The following ASB4 variants were observed in gnomAD, a reference collection of about 807,000 sequenced individuals.
ASB4 encodes ankyrin repeat and SOCS box protein 4.
In ASB4, 35 loss-of-function variants were observed where a neutral mutation model predicts 38.6. The ratio of observed to expected loss-of-function variants is 0.91; its 90% CI spans 0.69 to 1.20. The LOEUF (loss-of-function observed/expected upper bound fraction) is 1.20, where lower values mean the gene tolerates loss of function less well. Ranked by LOEUF, ASB4 falls within the 50% of genes most tolerant of loss-of-function variation. The pLI is 0.00. For missense variants in ASB4, 557 were observed against 527.2 expected (o/e 1.06, Z -0.55); for synonymous variants, 195 against 201.3 (o/e 0.97, Z 0.26).
intron 1 of ASB4, among the ~76,000 whole-genome samples, chr7:95,487,984 C>A (rs142827039): frequency 6.6e-6 from 1 of 152,176 alleles, no homozygotes; most frequent in South Asian, 2.1e-4. Flanking sequence ...CTGTTTAATA[C>A]GCACATGGGC....
chr7:95,541,557 C>A (rs1169574696), downstream of ASB4, among the ~76,000 whole-genome samples: 1 of 152,144 alleles, frequency 6.6e-6, no homozygotes, highest in African/African-American at 2.4e-5. Context: ...AGGTCCCTGA[C>A]CTTCCTGGGC....
intron 2 of ASB4, among the ~76,000 whole-genome samples, chr7:95,499,056 T>C (rs1325966283): frequency 6.6e-6 from 1 of 152,244 alleles, no homozygotes; most frequent in Non-Finnish European, 1.5e-5. Context: ...CACAGGTTTG[T>C]ATCAAGTCTT....
the ASB4 span, among the ~76,000 whole-genome samples, chr7:95,548,044 G>T: frequency 1.3e-5 from 2 of 152,270 alleles, no homozygotes; most frequent in South Asian, 4.1e-4. Flanking sequence ...AAACACTCTT[G>T]TTCAAATCTT....
At chr7:95,511,618 C>T (rs1482814292) in intron 2 of ASB4, among the ~76,000 whole-genome samples, 3 of 151,288 alleles carry the variant, frequency 2.0e-5, no homozygotes, top group Admixed American at 1.3e-4. Flanking sequence ...GCCGAGATTG[C>T]GCCATTGCAC....
intron 1 of ASB4, among the ~76,000 whole-genome samples, chr7:95,491,023 A>C (rs1790163697): frequency 6.6e-6 from 1 of 152,244 alleles, no homozygotes; most frequent in Non-Finnish European, 1.5e-5. Flanking sequence ...TTATATGAAC[A>C]TGGACACTTT....
At chr7:95,533,523 A>C (rs937055454) in intron 3 of ASB4, among the ~76,000 whole-genome samples, 1 of 152,028 alleles carries the variant, frequency 6.6e-6, no homozygotes, top group Non-Finnish European at 1.5e-5. Context: ...TTCTAATTCA[A>C]TCTGCTGGTA....
chr7:95,545,965 A>G, the ASB4 span, among the ~76,000 whole-genome samples: 9 of 152,232 alleles, frequency 5.9e-5, no homozygotes, highest in African/African-American at 1.7e-4. Context: ...CTGGAAAATC[A>G]TAAAAGAATT....
chr7:95,493,777 T>G (rs943564168), intron 1 of ASB4, among the ~76,000 whole-genome samples: 2 of 152,186 alleles, frequency 1.3e-5, no homozygotes, highest in Non-Finnish European at 2.9e-5. Flanking sequence ...ATAGCATAGT[T>G]TGTATACTGT....
chr7:95,479,210 T>C (rs1344730242), intron 1 of ASB4, among the ~76,000 whole-genome samples: 1 of 152,220 alleles, frequency 6.6e-6, no homozygotes, highest in Non-Finnish European at 1.5e-5. Flanking sequence ...CCACCAGAGC[T>C]GGGAATACGA....
chr7:95,534,024 G>A lies in ASB4; in HGVS notation c.979-2413G>A, dbSNP rs562087167. 7.2e-5 allele frequency among the ~76,000 whole-genome samples: 11 copies of A among 152,240 alleles called. No homozygotes were observed. In the South Asian group the frequency reaches 2.3e-3, roughly 32 times the overall value. On this transcript the variant is annotated intron_variant, in intron 3 of 4. Transcript: ENST00000325885. ...AATAACTCCATCTTAGCTTTCTAATGGGGAGCATCTATTGTGTACATTTTT... is the reference window on the plus strand; with the variant it reads ...AATAACTCCATCTTAGCTTTCTAATAGGGAGCATCTATTGTGTACATTTTT...
upstream of ASB4, among the ~76,000 whole-genome samples, chr7:95,483,397 G>A (rs1463278270): frequency 6.6e-6 from 1 of 152,140 alleles, no homozygotes; most frequent in African/African-American, 2.4e-5. Context: ...AGCTCTCTTA[G>A]AGGGAAAGCC....
In ASB4 at chr7:95,528,584, C is replaced by T; in HGVS notation, c.978+281C>T. Reference sequence around the variant, plus strand: ...AGTGCACTGGTGGCTTCCTGAGGGACTGAGGTAAGTCTGCCAGAAAGGTGA... The same window carrying T: ...AGTGCACTGGTGGCTTCCTGAGGGATTGAGGTAAGTCTGCCAGAAAGGTGA... On this transcript the variant is annotated intron_variant, in intron 3 of 4. Transcript: ENST00000325885. 1.4e-6 allele frequency: 2 copies of T among 1,388,108 alleles called. 1 individual carries two copies. The highest frequency in any genetic ancestry group is 3.6e-5 in the South Asian group (2 of 55,706). 86.0% of individuals were successfully genotyped at this position (1,388,108 alleles called of 1,614,324 possible).
chr7:95,515,248 TTTC>T (rs1790553909), intron 2 of ASB4, among the ~76,000 whole-genome samples: 4 of 126,100 alleles, frequency 3.2e-5, no homozygotes, highest in Non-Finnish European at 5.2e-5. Flanking sequence ...TCTTTCTTTC[TTTC>T]CTTCTTTCTT....
At chr7:95,544,445 G>A (rs1791008236), downstream of ASB4, 1 of 152,120 alleles carries the variant, frequency 6.6e-6, no homozygotes, top group Admixed American at 6.5e-5. Flanking sequence ...AGCAACATCT[G>A]GTTAATTCTA....
In ASB4 at chr7:95,495,955, C is replaced by G. The variant is rs780991883; in HGVS notation, c.385C>G (p.Arg129Gly). Residue 129 changes from arginine (R) to glycine (G), a missense_variant, in exon 2 of 5, where the codon CGT becomes GGT. By Grantham distance (125) the Arg-to-Gly change is moderately radical. Coordinates refer to ENST00000325885, the MANE Select transcript of ASB4 (RefSeq NM_016116.3). ...GGATTGTGTTAAGATCCTCTGTGAT[C>G]GTGGGGCAAAGCTCAATTGCTACTC... The part of the protein sequence containing the change: ...NVDCVKILCD[R>G]GAKLNCYSLS... 4 of 1,613,942 alleles carry G rather than the reference C, an allele frequency of 2.5e-6. No individual in the cohort carries two copies. In the African/African-American group the frequency reaches 5.3e-5, roughly 22 times the overall value.
chr7:95,522,818 C>T lies in ASB4; in HGVS notation c.488-4995C>T, dbSNP rs574242131. The stretch of plus-strand genomic sequence containing the variant: ...CCCACAGATGAAATCTGAAAATTCC[C>T]TCTTCTTTATCATGCAGAGAAAATT... On this transcript the variant is annotated intron_variant, in intron 2 of 4. Coordinates refer to ENST00000325885, the MANE Select transcript of ASB4 (RefSeq NM_016116.3). Among the ~76,000 whole-genome samples, 84 of 152,314 alleles carry T rather than the reference C, an allele frequency of 5.5e-4. 1 individual carries two copies. Among genetic ancestry groups the T allele is most frequent in the African/African-American group, 1.9e-3 (81 of 41,568 alleles).
chr7:95,548,687 A>G, the ASB4 span, among the ~76,000 whole-genome samples: 1 of 152,190 alleles, frequency 6.6e-6, no homozygotes, highest in Admixed American at 6.5e-5. Flanking sequence ...TGCTGCTGAA[A>G]TCTGGACTTC....
At position 95,486,204 on chromosome 7, in the gene ASB4, A is replaced by T. The variant is rs73711316; in HGVS notation, c.187+46A>T. On this transcript the variant is annotated intron_variant, in intron 1 of 4. Coordinates refer to ENST00000325885, the MANE Select transcript of ASB4 (RefSeq NM_016116.3). The stretch of plus-strand genomic sequence containing the variant: ...TTGTAGAACTGTTAGAAAATGATTT[A>T]AAAAAATGCACAGTGTCAGTTATCC... 2.5e-3 allele frequency: 3,742 copies of T among 1,489,310 alleles called. 69 individuals are homozygous for T. The African/African-American group carries it at 0.045, about 18-fold the overall frequency. The allele number at this position is 1,489,310 out of a possible 1,614,324, so 92.3% of individuals were successfully genotyped here.
chr7:95,544,009 C>T (rs768402603), downstream of ASB4: 7 of 152,020 alleles, frequency 4.6e-5, no homozygotes, highest in Non-Finnish European at 8.8e-5. Flanking sequence ...ATGCCACCCC[C>T]AAATACAATT....
Sources: gnomAD v4.1 joint callset for allele counts (sites outside exome capture counted in the v4.1 genomes callset) on GRCh38, gnomAD v4.1.1 for gene constraint, MANE v1.5 for transcripts, NCBI Gene and HGNC (gene_info 2026-07-23, HGNC 2026-07-21) for gene names.